PCDHGA11: variants seen among roughly 807,000 people sequenced by gnomAD.
The protein encoded by PCDHGA11 is protocadherin gamma-A11.
In PCDHGA11, 39 loss-of-function variants were observed where a neutral mutation model predicts 60.4. The ratio of observed to expected loss-of-function variants is 0.65; its 90% confidence interval spans 0.50 to 0.84. The LOEUF (loss-of-function observed/expected upper bound fraction) is 0.84, where lower values mean the gene tolerates loss of function less well. Among genes scored for constraint, PCDHGA11 ranks in the 40% least tolerant of loss-of-function variants. The pLI is 0.00. For synonymous variants in PCDHGA11, 533 were observed against 510.3 expected, an observed-to-expected ratio of 1.04 and a Z score of -0.60; for missense variants, 1,165 against 1,197.7, an observed-to-expected ratio of 0.97 and a Z score of 0.40.
chr5:141,505,320 C>G, intron 2 of PCDHGA11, 73 bp from the exon 3 acceptor site: 2 of 1,605,358 alleles, frequency 1.2e-6, no homozygotes, highest in Non-Finnish European at 1.7e-6. Context: ...TTTGGGAGCC[C>G]TGGGAGAGGA....
chr5:141,421,464 T>A lies in PCDHGA11; in HGVS notation c.237T>A (p.Asn79Lys), dbSNP rs773727821. ...GGAAGACACAGCTTTTCGCTGTGAA[T>A]CCGCGAAGCGGCAGCTTGATCACGG... The part of the protein sequence containing the change: ...SRGKTQLFAV[N>K]PRSGSLITAG... Residue 79 changes from asparagine (N) to lysine (K), a missense_variant, in exon 1 of 4, where the codon AAT (asparagine) becomes AAA (lysine). Transcript: ENST00000398587. 17 of 1,613,972 alleles carry A rather than the reference T, an allele frequency of 1.1e-5. No individual in the cohort carries two copies. In the East Asian group the frequency reaches 3.6e-4, roughly 34 times the overall value.
At chr5:141,475,832 T>G in intron 1 of PCDHGA11, 1 of 410,610 alleles carries the variant, frequency 2.4e-6, no homozygotes, top group Non-Finnish European at 4.4e-6. Flanking sequence ...CTAGCGCGTG[T>G]CCTGCTCAGA....
At chr5:141,494,922 C>T (rs1401836511) in intron 2 of PCDHGA11, 57 bp downstream of exon 2, 23 of 1,613,670 alleles carry the variant, frequency 1.4e-5, no homozygotes, top group Non-Finnish European at 1.9e-5. Flanking sequence ...TCAGGGATGA[C>T]GTGGGAGGAG....
chr5:141,423,001 G>A lies in PCDHGA11; in HGVS notation c.1774G>A (p.Val592Met). 2 of 1,614,230 alleles carry A rather than the reference G, an allele frequency of 1.2e-6. No homozygotes were observed. Among genetic ancestry groups the A allele is most frequent in the Non-Finnish European group, 1.7e-6 (2 of 1,180,034 alleles). ...SAEPGYLVTK[V>M]VAVDKDSGQN... Reference sequence around the variant, plus strand: ...GGAACCTGGCTACCTGGTGACCAAGGTGGTTGCGGTGGACAAAGATTCAGG... The same window carrying A: ...GGAACCTGGCTACCTGGTGACCAAGATGGTTGCGGTGGACAAAGATTCAGG... Residue 592 changes from valine (V) to methionine (M), a missense_variant, in exon 1 of 4, where the codon GTG becomes ATG. By Grantham distance (21) the Val-to-Met change is conservative. Transcript: ENST00000398587.
chr5:141,491,685 G>A lies in PCDHGA11; in HGVS notation c.2434-3122G>A. 1 of 1,613,164 alleles carries A rather than the reference G, an allele frequency of 6.2e-7. No individual in the cohort carries two copies. The highest frequency in any genetic ancestry group is 8.5e-7 in the Non-Finnish European group (1 of 1,179,646). On this transcript the variant is annotated intron_variant, in intron 1 of 3. Transcript: ENST00000398587. The surrounding 1 kb of genome is among the most constrained non-coding windows in gnomAD (Gnocchi z 6.9). ...CCATCCGGTCCCGCTCTAATACGCTGCGGGAGCGGAGCCAGGTGAGGGGCT... is the reference window on the plus strand; with the variant it reads ...CCATCCGGTCCCGCTCTAATACGCTACGGGAGCGGAGCCAGGTGAGGGGCT...
At chr5:141,499,007 AG>A (rs2099788320) in intron 2 of PCDHGA11, among the ~76,000 whole-genome samples, 1 of 151,128 alleles carries the variant, frequency 6.6e-6, no homozygotes, top group Non-Finnish European at 1.5e-5. Flanking sequence ...GAAGGAAGGA[AG>A]GAAGGAAGGA....
intron 1 of PCDHGA11, among the ~76,000 whole-genome samples, chr5:141,474,862 T>C (rs1281140736): frequency 6.6e-6 from 1 of 152,264 alleles, no homozygotes; most frequent in Non-Finnish European, 1.5e-5. Context: ...CTTCATTTAA[T>C]AGGATAGGAG....
Position 141,491,954 on chromosome 5 carries a change from C to A in PCDHGA11, c.2434-2853C>A. ...TGGGACCGACCCCCACCCCTACACT[C>A]AAAAAAGGCCGGGGCCTCCTTCGAG... On this transcript the variant is annotated intron_variant, in intron 1 of 3. Transcript: ENST00000398587. This position sits in a 1 kb window ranked among gnomAD's most constrained non-coding sequence, Gnocchi z 6.9. The A allele has an allele frequency of 9.7e-7, 1 of 1,032,914 alleles. No individual in the cohort carries two copies. Among genetic ancestry groups the A allele is most frequent in the Non-Finnish European group, 1.3e-6 (1 of 747,256 alleles). The allele number at this position is 1,032,914 out of a possible 1,614,324, so 64.0% of individuals were successfully genotyped here.
Position 141,485,967 on chromosome 5 carries a change from A to G in PCDHGA11, c.2434-8840A>G, listed in dbSNP as rs751904053. 2.5e-6 allele frequency: 4 copies of G among 1,614,194 alleles called. No individual in the cohort carries two copies. The South Asian group carries it at 4.4e-5, about 18-fold the overall frequency. On this transcript the variant is annotated intron_variant, in intron 1 of 3. Transcript: ENST00000398587. This position sits in a 1 kb window ranked among gnomAD's most constrained non-coding sequence, Gnocchi z 5.7. The stretch of plus-strand genomic sequence containing the variant: ...GCGGGCATGGTGCTCATCCAGCTCA[A>G]TGCCTCAGACCCGGACCTGGGTCCC...
intron 1 of PCDHGA11, among the ~76,000 whole-genome samples, chr5:141,439,139 G>T (rs2098090438): frequency 6.6e-6 from 1 of 150,672 alleles, no homozygotes; most frequent in South Asian, 2.1e-4. Flanking sequence ...GTTGCAGTGA[G>T]CTGAGATCAC....
chr5:141,428,797 G>A (rs2097161930), intron 1 of PCDHGA11: 1 of 152,310 alleles, frequency 6.6e-6, no homozygotes, highest in Admixed American at 6.5e-5. Context: ...TTCTGTGTGG[G>A]CCAGTAACTT....
chr5:141,494,674 C>A lies in PCDHGA11; in HGVS notation c.2434-133C>A, dbSNP rs532644387. ...ATTTTGTCTTTGGAGATGAGTCCAC[C>A]CCTGCCCCCTCTTAGTCCGTTTTCT... is the stretch of plus-strand genomic sequence containing the variant. On this transcript the variant is annotated intron_variant, in intron 1 of 3. Transcript: ENST00000398587. 3.4e-5 allele frequency: 53 copies of A among 1,545,802 alleles called. No homozygotes were observed. In the African/African-American group the frequency reaches 6.5e-4, roughly 19 times the overall value.
chr5:141,490,604 A>T lies in PCDHGA11; in HGVS notation c.2434-4203A>T, dbSNP rs749528675. ...GTCAATGACAATGCACCCCGCTTCA[A>T]CCAGCAGCTTTACACTGCTTACATC... On this transcript the variant is annotated intron_variant, in intron 1 of 3. Transcript: ENST00000398587. The surrounding 1 kb of genome is among the most constrained non-coding windows in gnomAD (Gnocchi z 5.4). 6.2e-7 allele frequency: 1 copy of T among 1,614,192 alleles called. No homozygotes were observed. The highest frequency in any genetic ancestry group is 8.5e-7 in the Non-Finnish European group (1 of 1,180,022).
rs1472806327 is a variant in PCDHGA11 at position 141,447,891 on chromosome 5, G to C, written c.2433+24231G>C. Among the ~76,000 whole-genome samples the C allele has an allele frequency of 1.3e-5, 2 of 152,080 alleles. 1 individual carries two copies. Among genetic ancestry groups the C allele is most frequent in the African/African-American group, 4.8e-5 (2 of 41,408 alleles). On this transcript the variant is annotated intron_variant, in intron 1 of 3. Coordinates refer to ENST00000398587, the MANE Select transcript of PCDHGA11 (RefSeq NM_018914.3). Reference sequence around the variant, plus strand: ...ATCTGAGGTCAGGAGTTCGAGACCAGCCTGGCCAACATGGTGAAACTCTGT... The same window carrying C: ...ATCTGAGGTCAGGAGTTCGAGACCACCCTGGCCAACATGGTGAAACTCTGT...
Position 141,422,126 on chromosome 5 carries a change from GAGA to G in PCDHGA11, c.902_904del (p.Glu301del), listed in dbSNP as rs767100115. The G allele has an allele frequency of 1.2e-6, 2 of 1,601,210 alleles. No homozygotes were observed. Among genetic ancestry groups the G allele is most frequent in the South Asian group, 2.3e-5 (2 of 88,296 alleles). ...ATATTCCAATTGGATTCACAAACTG[GAGA>G]AGTTCAAGTACGGGGGTCTCTGGAT... is the stretch of plus-strand genomic sequence containing the variant. On this transcript the variant is annotated inframe_deletion, in exon 1 of 4. Transcript: ENST00000398587.
Position 141,476,682 on chromosome 5 carries a change from A to G in PCDHGA11, c.2434-18125A>G, listed in dbSNP as rs987205396. The G allele has an allele frequency of 6.2e-7, 1 of 1,614,072 alleles. No individual in the cohort carries two copies. Among genetic ancestry groups the G allele is most frequent in the African/African-American group, 1.3e-5 (1 of 74,934 alleles). ...GCGCTTCGCGTGCAGACGCGGGAGG[A>G]CAGCACCAAGTACGCGGAGCTGGTG... On this transcript the variant is annotated intron_variant, in intron 1 of 3. Coordinates refer to ENST00000398587, the MANE Select transcript of PCDHGA11 (RefSeq NM_018914.3). The surrounding 1 kb of genome is among the most constrained non-coding windows in gnomAD (Gnocchi z 7.6).
chr5:141,444,470 C>T (rs1275997551), intron 1 of PCDHGA11, among the ~76,000 whole-genome samples: 2 of 152,058 alleles, frequency 1.3e-5, no homozygotes, highest in African/African-American at 2.4e-5. Flanking sequence ...TGCGCCCGGT[C>T]GCGTACTGGA....
rs527514615 is a variant in PCDHGA11 at position 141,485,941 on chromosome 5, A to G, written c.2434-8866A>G. ...GGATTAGTGTGTTGGAGAGCGCACC[A>G]GCGGGCATGGTGCTCATCCAGCTCA... is the stretch of plus-strand genomic sequence containing the variant. On this transcript the variant is annotated intron_variant, in intron 1 of 3. Coordinates refer to ENST00000398587, the MANE Select transcript of PCDHGA11 (RefSeq NM_018914.3). This position sits in a 1 kb window ranked among gnomAD's most constrained non-coding sequence, Gnocchi z 5.7. The G allele has an allele frequency of 2.5e-6, 4 of 1,614,180 alleles. No homozygotes were observed. The highest frequency in any genetic ancestry group is 2.7e-5 in the African/African-American group (2 of 75,032).
intron 1 of PCDHGA11, among the ~76,000 whole-genome samples, chr5:141,437,526 G>A (rs1199002765): frequency 1.3e-5 from 2 of 152,160 alleles, no homozygotes; most frequent in East Asian, 3.8e-4. Context: ...GATGACAAAT[G>A]AGCAAATTGT....
Sources: allele counts gnomAD v4.1 joint callset (sites outside exome capture counted in the v4.1 genomes callset), GRCh38; gene constraint gnomAD v4.1.1; non-coding constraint Gnocchi (gnomAD v3.1); transcripts MANE v1.5; gene names NCBI Gene and HGNC (gene_info 2026-07-23, HGNC 2026-07-21).